The following ODAD2 variants were observed in gnomAD, a reference collection of about 807,000 sequenced individuals.
The protein encoded by ODAD2 is outer dynein arm-docking complex subunit 2.
In ODAD2, 89 loss-of-function variants were observed where a neutral mutation model predicts 106.8. The ratio of observed to expected loss-of-function variants is 0.83; its 90% CI spans 0.70 to 0.99. The LOEUF is 0.99. ODAD2 is among the 50% of genes least tolerant of loss of function. The pLI, the probability that ODAD2 is intolerant of heterozygous loss-of-function variation, is 0.00. For synonymous variants in ODAD2, 404 were observed against 436.2 expected, an observed-to-expected ratio of 0.93 and a Z score of 0.92; for missense variants, 1,168 against 1,238.5, an observed-to-expected ratio of 0.94 and a Z score of 0.85.
intron 16 of ODAD2, among the ~76,000 whole-genome samples, chr10:27,917,282 G>A (rs1386746852): frequency 6.6e-6 from 1 of 151,874 alleles, no homozygotes; most frequent in African/African-American, 2.4e-5. Flanking sequence ...ATAATCCCTG[G>A]GTCCAAGGTA....
At chr10:27,892,062 T>C (rs943303788) in intron 17 of ODAD2, among the ~76,000 whole-genome samples, 1 of 151,590 alleles carries the variant, frequency 6.6e-6, no homozygotes, top group African/African-American at 2.4e-5. Context: ...GTTTGATCGT[T>C]CAGCTTGAAA....
intron 14 of ODAD2, among the ~76,000 whole-genome samples, 181 bp downstream of exon 14, chr10:27,939,716 C>T (rs1162240102): frequency 4.6e-5 from 7 of 151,736 alleles, no homozygotes; most frequent in Non-Finnish European, 1.0e-4. Context: ...CCAGCCTGGG[C>T]AACAGAGCAA....
At chr10:27,945,901 G>GCTACTCGGGAGGCTGAGGC (rs1554817306) in intron 10 of ODAD2, among the ~76,000 whole-genome samples, 5 of 151,832 alleles carry the variant, frequency 3.3e-5, no homozygotes, top group African/African-American at 9.7e-5. Context: ...GCTGGTAATA[G>GCTACTCGGGAGGCTGAGGC]ACAAGCCTTT....
rs890547525 is a variant in ODAD2 at position 27,940,581 on chromosome 10, C to G, written c.1968G>C (p.Leu656Phe). 6.2e-7 allele frequency: 1 copy of G among 1,614,060 alleles called. No individual in the cohort carries two copies. The highest frequency in any genetic ancestry group is 1.1e-5 in the South Asian group (1 of 91,068). ...TGAGTACCTCTGATGCACACTCTTG[C>G]AATGTCCCCACCACTGGAATTAGCA... is the stretch of plus-strand genomic sequence containing the variant. ...ENMLIPVVGTLQECASEENYR... is the reference protein window; with the variant it reads ...ENMLIPVVGTFQECASEENYR... Residue 656 changes from leucine to phenylalanine, a missense_variant, in exon 13 of 20, where the codon TTG becomes TTC. Leu to Phe is a conservative substitution (Grantham distance 22). Coordinates refer to ENST00000305242, the MANE Select transcript of ODAD2 (RefSeq NM_018076.5).
chr10:27,875,153 C>T (rs1024908340), intron 17 of ODAD2, among the ~76,000 whole-genome samples: 55 of 152,298 alleles, frequency 3.6e-4, no homozygotes, highest in African/African-American at 1.3e-3. Flanking sequence ...GAATCGGCTA[C>T]TAAAGCTTGT....
At position 27,985,047 on chromosome 10, in the gene ODAD2, G is replaced by A; in HGVS notation, c.547C>T (p.Leu183Phe). ...GAAATATGTTTTAGAGAATGATTGA[G>A]GAGGTGCAGATCCAATTGCTTAAGC... ...MLLKQLDLHL[L>F]NHSLKHISLE... The change falls in exon 4 of 20, where the codon CTC becomes TTC. Residue 183 changes from leucine to phenylalanine, a missense_variant. Physicochemically the swap from Leu to Phe is conservative, Grantham distance 22. Coordinates refer to ENST00000305242, the MANE Select transcript of ODAD2 (RefSeq NM_018076.5). 6.2e-7 allele frequency: 1 copy of A among 1,608,722 alleles called. No individual in the cohort carries two copies. The highest frequency in any genetic ancestry group is 1.1e-5 in the South Asian group (1 of 90,232).
At chr10:27,997,636 A>C (rs1016060215) in intron 1 of ODAD2, 1 of 152,220 alleles carries the variant, frequency 6.6e-6, no homozygotes, top group African/African-American at 2.4e-5. Context: ...GCAATGCACA[A>C]GTTTTATTCA....
chr10:27,839,914 T>C lies in ODAD2; in HGVS notation c.3021+20711A>G, dbSNP rs1422659056. Among the ~76,000 whole-genome samples the C allele has an allele frequency of 2.0e-5, 3 of 152,332 alleles. No individual in the cohort carries two copies. In the South Asian group the frequency reaches 6.2e-4, roughly 32 times the overall value. On this transcript the variant is annotated intron_variant, in intron 19 of 19. Coordinates refer to ENST00000305242, the MANE Select transcript of ODAD2 (RefSeq NM_018076.5). ...TTTGACAAAAAAGAGTCAACTGTTATTCTGTTTAAATTTCAGGATGCTAAA... is the reference window on the plus strand; with the variant it reads ...TTTGACAAAAAAGAGTCAACTGTTACTCTGTTTAAATTTCAGGATGCTAAA...
intron 17 of ODAD2, among the ~76,000 whole-genome samples, chr10:27,906,851 C>T (rs1187248990): frequency 1.3e-5 from 2 of 151,948 alleles, no homozygotes; most frequent in Non-Finnish European, 2.9e-5. Context: ...CATCACACAT[C>T]GGGGCCTGTC....
intron 17 of ODAD2, among the ~76,000 whole-genome samples, chr10:27,902,172 A>G (rs1843255425): frequency 6.6e-6 from 1 of 152,224 alleles, no homozygotes; most frequent in South Asian, 2.1e-4. Flanking sequence ...CCACACAACT[A>G]AATGGAAACT....
At chr10:27,919,946 A>G (rs555242882) in intron 16 of ODAD2, among the ~76,000 whole-genome samples, 182 of 152,302 alleles carry the variant, frequency 1.2e-3, no homozygotes, top group Non-Finnish European at 1.9e-3. Context: ...AATAACCCGT[A>G]ATTTAGAACA....
chr10:27,860,413 A>G (rs935311415), intron 19 of ODAD2, among the ~76,000 whole-genome samples: 1 of 152,162 alleles, frequency 6.6e-6, no homozygotes, highest in Admixed American at 6.6e-5. Flanking sequence ...TGATTGCACC[A>G]CTATACTCCA....
chr10:27,885,696 A>AAAATATATATTATATAT (rs1491556365), intron 17 of ODAD2, among the ~76,000 whole-genome samples: 1 of 44,470 alleles, frequency 2.2e-5, no homozygotes, highest in South Asian at 5.4e-4. Flanking sequence ...ATAATATATA[A>AAAATATATATTATATAT]TATATATAAA....
intron 19 of ODAD2, among the ~76,000 whole-genome samples, chr10:27,834,150 ATTGAT>A (rs1214616491): frequency 6.6e-6 from 1 of 152,240 alleles, no homozygotes; most frequent in African/African-American, 2.4e-5. Flanking sequence ...CTATGAATGC[ATTGAT>A]TTGAGTCCAG....
At chr10:27,889,279 G>A (rs1056869280) in intron 17 of ODAD2, among the ~76,000 whole-genome samples, 24 of 152,142 alleles carry the variant, frequency 1.6e-4, no homozygotes, top group African/African-American at 5.6e-4. Context: ...TTTCACACTC[G>A]GGGTAGTTGC....
intron 18 of ODAD2, among the ~76,000 whole-genome samples, chr10:27,861,866 C>A (rs1840069454): frequency 6.6e-6 from 1 of 152,158 alleles, no homozygotes; most frequent in South Asian, 2.1e-4. Context: ...GACCAAGCAT[C>A]CTTCCAGGGT....
At chr10:27,884,247 A>G (rs1001424373) in intron 17 of ODAD2, among the ~76,000 whole-genome samples, 1 of 152,152 alleles carries the variant, frequency 6.6e-6, no homozygotes, top group African/African-American at 2.4e-5. Flanking sequence ...GATGTTACCA[A>G]GATGGTGAAC....
intron 2 of ODAD2, among the ~76,000 whole-genome samples, chr10:27,991,192 T>C (rs182701039): frequency 1.1e-4 from 17 of 152,270 alleles, no homozygotes; most frequent in Non-Finnish European, 2.4e-4. Context: ...ACAAAAGCAA[T>C]TGCAAATGAT....
At chr10:27,838,196 CA>C (rs775528150) in intron 19 of ODAD2, among the ~76,000 whole-genome samples, 23 of 152,264 alleles carry the variant, frequency 1.5e-4, no homozygotes, top group Non-Finnish European at 1.9e-4. Context: ...AGGGAAAAAA[CA>C]AGATATTTTC....
Sources: allele counts gnomAD v4.1 joint callset (sites outside exome capture counted in the v4.1 genomes callset), GRCh38; gene constraint gnomAD v4.1.1; transcripts MANE v1.5; gene names NCBI Gene and HGNC (gene_info 2026-07-23, HGNC 2026-07-21).